The following DENND1A variants were observed in gnomAD, a reference collection of about 807,000 sequenced individuals.
DENND1A encodes DENN domain-containing protein 1A.
A neutral mutation model predicts 113.7 loss-of-function variants in DENND1A; 51 were observed. That is an observed-to-expected ratio of 0.45 (90% CI 0.36 to 0.57). DENND1A has a LOEUF of 0.57. DENND1A is among the 20% of genes least tolerant of loss of function. The probability of loss-of-function intolerance (pLI) is 0.00; values close to 1 mark genes in which losing one functional copy is unlikely to be tolerated. For synonymous variants in DENND1A, 565 were observed against 570.8 expected, an observed-to-expected ratio of 0.99 and a Z score of 0.14; for missense variants, 1,258 against 1,395.9, an observed-to-expected ratio of 0.90 and a Z score of 1.57.
chr9:123,796,564 T>G (rs1752166), intron 2 of DENND1A, among the ~76,000 whole-genome samples: 46,087 of 152,060 alleles, frequency 0.3, 10,637 homozygotes, highest in African/African-American at 0.65. Context: ...TAAGAGTGTG[T>G]GCAAGACTTA....
intron 19 of DENND1A, among the ~76,000 whole-genome samples, chr9:123,427,530 T>C (rs922791405): frequency 5.9e-5 from 9 of 152,116 alleles, no homozygotes; most frequent in African/African-American, 1.9e-4. Context: ...CCCTCCTCTA[T>C]CTGGTGCCCT....
At chr9:123,806,456 C>T (rs1835590563) in intron 2 of DENND1A, among the ~76,000 whole-genome samples, 1 of 152,092 alleles carries the variant, frequency 6.6e-6, no homozygotes, top group African/African-American at 2.4e-5. Flanking sequence ...GGGGTTTCAC[C>T]ACATTGGCCA....
At chr9:123,730,819 C>T (rs139730682) in intron 5 of DENND1A, among the ~76,000 whole-genome samples, 3,407 of 152,156 alleles carry the variant, frequency 0.022, 52 homozygotes, top group Non-Finnish European at 0.034. Flanking sequence ...ATATTTATTG[C>T]GGCACTGCTC....
intron 3 of DENND1A, among the ~76,000 whole-genome samples, chr9:123,790,750 T>C (rs1832871965): frequency 6.6e-6 from 1 of 152,164 alleles, no homozygotes; most frequent in African/African-American, 2.4e-5. Context: ...GATAATAGCC[T>C]ATATTTCTCT....
At chr9:123,645,629 C>G (rs1382259258) in intron 9 of DENND1A, among the ~76,000 whole-genome samples, 1 of 152,180 alleles carries the variant, frequency 6.6e-6, no homozygotes, top group Non-Finnish European at 1.5e-5. Flanking sequence ...CCCACCTCCT[C>G]CAGAGAAGCT....
chr9:123,646,476 G>C (rs73665317), intron 9 of DENND1A, among the ~76,000 whole-genome samples: 7,196 of 152,176 alleles, frequency 0.047, 542 homozygotes, highest in African/African-American at 0.16. Flanking sequence ...TGCCAGGAGA[G>C]AAGAGAAAAT....
chr9:123,805,306 A>G (rs941597123), intron 2 of DENND1A, among the ~76,000 whole-genome samples: 1 of 152,160 alleles, frequency 6.6e-6, no homozygotes, highest in Admixed American at 6.5e-5. Context: ...GCTTGGGACT[A>G]GAAGTGTTTT....
At chr9:123,640,894 C>T (rs2061994818) in intron 9 of DENND1A, among the ~76,000 whole-genome samples, 1 of 152,218 alleles carries the variant, frequency 6.6e-6, no homozygotes, top group South Asian at 2.1e-4. Context: ...ACAAAGCCAT[C>T]CTGACTTGCA....
intron 5 of DENND1A, among the ~76,000 whole-genome samples, chr9:123,734,762 T>A (rs1250533831): frequency 6.6e-6 from 1 of 152,168 alleles, no homozygotes; most frequent in Non-Finnish European, 1.5e-5. Context: ...TCTAGACATA[T>A]GATGGGTGTG....
At chr9:123,876,383 C>T (rs1217820286) in intron 2 of DENND1A, among the ~76,000 whole-genome samples, 1 of 152,124 alleles carries the variant, frequency 6.6e-6, no homozygotes, top group Non-Finnish European at 1.5e-5. Context: ...GGACAACTGA[C>T]ATTATATCAA....
chr9:123,442,836 AATG>A (rs2047027926), intron 18 of DENND1A, among the ~76,000 whole-genome samples: 1 of 152,158 alleles, frequency 6.6e-6, no homozygotes, highest in Non-Finnish European at 1.5e-5. Flanking sequence ...TTATTTTTGC[AATG>A]GGAGACTACC....
At chr9:123,395,497 A>ATGTGTGTGTGT (rs2043077587) in intron 21 of DENND1A, among the ~76,000 whole-genome samples, 1 of 103,554 alleles carries the variant, frequency 9.7e-6, no homozygotes, top group Non-Finnish European at 1.8e-5. Context: ...TGTGTGTGAC[A>ATGTGTGTGTGT]GAGAGAGAGA....
At chr9:123,674,844 T>C (rs965436977) in intron 6 of DENND1A, among the ~76,000 whole-genome samples, 13 of 141,822 alleles carry the variant, frequency 9.2e-5, no homozygotes, top group African/African-American at 2.3e-4. Context: ...TTTTTCTCTT[T>C]TTTTTTTTTT....
At chr9:123,833,009 C>T (rs746135490) in intron 2 of DENND1A, among the ~76,000 whole-genome samples, 8 of 150,798 alleles carry the variant, frequency 5.3e-5, no homozygotes, top group Middle Eastern at 3.4e-3. Context: ...CCTGTAGTCA[C>T]GACTACTCAG....
In DENND1A at chr9:123,728,479, C is replaced by CAAAAAAAAAAAAA. The variant is rs60761810; in HGVS notation, c.302+29211_302+29223dup. 3.1e-3 allele frequency among the ~76,000 whole-genome samples: 79 copies of CAAAAAAAAAAAAA among 25,196 alleles called. 17 individuals are homozygous for CAAAAAAAAAAAAA. Among genetic ancestry groups the CAAAAAAAAAAAAA allele is most frequent in the African/African-American group, 5.1e-3 (34 of 6,664 alleles). The allele number at this position is 25,196 out of a possible 152,430, so 16.5% of individuals were successfully genotyped here. Reference sequence around the variant, plus strand: ...GCAACAATTGCAAAACTCTGTCTCCCAAAAAAAAAAAAAAAAAAAAAAAAA... The same window carrying CAAAAAAAAAAAAA: ...GCAACAATTGCAAAACTCTGTCTCCCAAAAAAAAAAAAAAAAAAAAAAAAAAAAAAAAAAAAAA... On this transcript the variant is annotated intron_variant, in intron 5 of 23. Coordinates refer to ENST00000394215, the MANE Select transcript of DENND1A (RefSeq NM_001352964.2).
rs1482598049 is a variant in DENND1A, at chr9:123,583,195, C to T, written c.841G>A (p.Asp281Asn). The T allele has an allele frequency of 6.2e-7, 1 of 1,612,726 alleles. No individual in the cohort carries two copies. The highest frequency in any genetic ancestry group is 1.3e-5 in the African/African-American group (1 of 74,962). Reference protein sequence around the residue: ...DTNTLETPFDDLQSLPNDVIS... With the variant: ...DTNTLETPFDNLQSLPNDVIS... ...ACGTCGTTTGGGAGGCTCTGGAGGTCATCGAAGGGGGTTTCCAGGGTGTTG... is the reference window on the plus strand; with the variant it reads ...ACGTCGTTTGGGAGGCTCTGGAGGTTATCGAAGGGGGTTTCCAGGGTGTTG... Residue 281 changes from aspartate to asparagine, a missense_variant, in exon 12 of 24, where the codon GAC (aspartate) becomes AAC (asparagine). Physicochemically the swap from Asp to Asn is conservative, Grantham distance 23. This residue lies in a region of DENND1A where 1,159 missense variants were observed against 1,231.7 expected (regional missense o/e 0.94). Transcript: ENST00000394215.
chr9:123,638,276 A>G (rs2061825448), intron 9 of DENND1A, among the ~76,000 whole-genome samples: 1 of 152,196 alleles, frequency 6.6e-6, no homozygotes, highest in African/African-American at 2.4e-5. Flanking sequence ...AGCCCACAGC[A>G]CCATGAGTGA....
chr9:123,639,661 C>T (rs369157554), intron 9 of DENND1A, among the ~76,000 whole-genome samples: 3 of 151,278 alleles, frequency 2.0e-5, no homozygotes, highest in African/African-American at 7.3e-5. Context: ...CCTGTAATCT[C>T]GGCTACTCGG....
chr9:123,760,009 A>G (rs2070903106), intron 4 of DENND1A, among the ~76,000 whole-genome samples: 1 of 152,224 alleles, frequency 6.6e-6, no homozygotes, highest in South Asian at 2.1e-4. Flanking sequence ...ATTAAAATAA[A>G]GGTATTTTTG....
Sources: gnomAD v4.1 joint callset for allele counts (sites outside exome capture counted in the v4.1 genomes callset) on GRCh38, gnomAD v4.1.1 for gene constraint, gnomAD v4.1.1 regional missense constraint, MANE v1.5 for transcripts, NCBI Gene and HGNC (gene_info 2026-07-23, HGNC 2026-07-21) for gene names.